The following PCNX2 variants were observed in gnomAD, a reference collection of about 807,000 sequenced individuals.
PCNX2 encodes pecanex-like protein 2.
PCNX2 carries 168 observed loss-of-function variants against 223.8 expected under a neutral mutation model. That is an observed-to-expected ratio of 0.75 (90% CI 0.66 to 0.85). The LOEUF is 0.85. Among genes scored for constraint, PCNX2 ranks in the 40% least tolerant of loss-of-function variants. The pLI is 0.00. For missense variants in PCNX2, 2,507 were observed against 2,675.5 expected, an observed-to-expected ratio of 0.94 and a Z score of 1.39; for synonymous variants, 1,006 against 1,052.6, an observed-to-expected ratio of 0.96 and a Z score of 0.86.
At chr1:233,209,546 A>G (rs1681707071) in intron 12 of PCNX2, among the ~76,000 whole-genome samples, 1 of 152,250 alleles carries the variant, frequency 6.6e-6, no homozygotes, top group African/African-American at 2.4e-5. Context: ...AGGAAGGATT[A>G]AAGTGATATG....
At chr1:233,182,738 A>T (rs1211470315) in intron 15 of PCNX2, among the ~76,000 whole-genome samples, 1 of 151,956 alleles carries the variant, frequency 6.6e-6, no homozygotes, top group Non-Finnish European at 1.5e-5. Flanking sequence ...ACTCCATTCC[A>T]TTCCATTCCA....
chr1:233,239,932 T>C (rs1658652504), intron 8 of PCNX2, among the ~76,000 whole-genome samples: 1 of 152,176 alleles, frequency 6.6e-6, no homozygotes, highest in African/African-American at 2.4e-5. Context: ...TTAACTTCCC[T>C]CTTAATTAAC....
intron 15 of PCNX2, among the ~76,000 whole-genome samples, chr1:233,179,790 C>A (rs1284001254): frequency 1.3e-5 from 2 of 152,226 alleles, no homozygotes; most frequent in Non-Finnish European, 2.9e-5. Flanking sequence ...CAGGCCCAGG[C>A]AAGTCTTAGC....
chr1:233,268,260 T>C (rs11581895), intron 1 of PCNX2, among the ~76,000 whole-genome samples: 13,541 of 152,240 alleles, frequency 0.089, 723 homozygotes, highest in South Asian at 0.17. Context: ...ATAGCAGCTG[T>C]GCTGTGTTAC....
Position 233,139,636 on chromosome 1 carries a change from C to G in PCNX2, c.3659+78G>C. ...AGTCGGTAAAGGTTGGCTTCTTCTG[C>G]AGATTGTTTACAGAAAATTCACTCG... On this transcript the variant is annotated intron_variant, in intron 20 of 33. Coordinates refer to ENST00000258229, the MANE Select transcript of PCNX2 (RefSeq NM_014801.4). This position sits in a 1 kb window ranked among gnomAD's most constrained non-coding sequence, Gnocchi z 4.4. 1 of 1,479,836 alleles carries G rather than the reference C, an allele frequency of 6.8e-7. No homozygotes were observed. Among genetic ancestry groups the G allele is most frequent in the South Asian group, 1.3e-5 (1 of 76,766 alleles). 91.7% of individuals were successfully genotyped at this position (1,479,836 alleles called of 1,614,324 possible). A position where few individuals can be genotyped will look rare whatever the true frequency, so the allele number is the denominator to read the frequency against.
At chr1:233,307,718 A>G in the PCNX2 span, among the ~76,000 whole-genome samples, 612 of 152,282 alleles carry the variant, frequency 4.0e-3, 5 homozygotes, top group African/African-American at 0.014. Context: ...CCACAAAACC[A>G]CTTTTTGAGG....
chr1:233,011,100 T>C (rs549816934), intron 28 of PCNX2, among the ~76,000 whole-genome samples: 1 of 152,322 alleles, frequency 6.6e-6, no homozygotes, highest in South Asian at 2.1e-4. Context: ...ATAGCACATA[T>C]GCAAACACAC....
chr1:233,086,587 C>T (rs1346718741), intron 23 of PCNX2, among the ~76,000 whole-genome samples: 2 of 151,992 alleles, frequency 1.3e-5, no homozygotes, highest in African/African-American at 2.4e-5. Context: ...AGGAGAATGG[C>T]GTGAACCTGG....
rs372601534 is a variant in PCNX2, at chr1:233,258,053, C to G, written c.1809G>C (p.Gln603His). Residue 603 changes from glutamine (Q) to histidine (H), a missense_variant, in exon 5 of 34, where the codon CAG becomes CAC. Gln to His is a conservative substitution (Grantham distance 24, BLOSUM62 0). Transcript: ENST00000258229. The stretch of plus-strand genomic sequence containing the variant: ...CTCGGAGAAGCCCACTTTCTTCATT[C>G]TGCTCAGCTGAGCCATTCAGTTGAC... The part of the protein sequence containing the change: ...ASSQLNGSAE[Q>H]NEESGLLRDN... 2.5e-6 allele frequency: 4 copies of G among 1,613,318 alleles called. No individual in the cohort carries two copies. In the African/African-American group the frequency reaches 5.3e-5, roughly 22 times the overall value.
intron 1 of PCNX2, among the ~76,000 whole-genome samples, chr1:233,273,668 G>C: frequency 6.6e-6 from 1 of 150,720 alleles, no homozygotes; most frequent in Non-Finnish European, 1.5e-5. Flanking sequence ...CTGTCGCCAG[G>C]GCCGAAGTGC....
At chr1:233,151,166 G>A (rs925715615) in intron 19 of PCNX2, among the ~76,000 whole-genome samples, 2 of 152,168 alleles carry the variant, frequency 1.3e-5, no homozygotes, top group Non-Finnish European at 2.9e-5. Context: ...CAAGTAAAGT[G>A]TAATTTGTAT....
At chr1:233,189,619 C>A (rs1470722392) in intron 15 of PCNX2, among the ~76,000 whole-genome samples, 1 of 152,030 alleles carries the variant, frequency 6.6e-6, no homozygotes, top group Non-Finnish European at 1.5e-5. Context: ...ATTTTAAACC[C>A]TGAGTGCCTG....
At chr1:233,069,939 C>G (rs1672778502) in intron 23 of PCNX2, among the ~76,000 whole-genome samples, 1 of 152,178 alleles carries the variant, frequency 6.6e-6, no homozygotes, top group Non-Finnish European at 1.5e-5. Flanking sequence ...AGAGCTGGTT[C>G]TTTGAGAATA....
At chr1:233,309,323 T>A in the PCNX2 span, among the ~76,000 whole-genome samples, 1 of 151,776 alleles carries the variant, frequency 6.6e-6, no homozygotes, top group Non-Finnish European at 1.5e-5. Context: ...AGGTGGATCA[T>A]TTGAGGTCAG....
intron 9 of PCNX2, among the ~76,000 whole-genome samples, chr1:233,232,672 A>G (rs1432087366): frequency 1.3e-5 from 2 of 152,100 alleles, no homozygotes; most frequent in East Asian, 3.8e-4. Flanking sequence ...CAATTGTTTC[A>G]TCTTTTAGTA....
In PCNX2 at chr1:233,126,207, C is replaced by T. The variant is rs1471271219; in HGVS notation, c.3837+8806G>A. 7.0e-6 allele frequency: 1 copy of T among 142,936 alleles called. No individual in the cohort carries two copies. The highest frequency in any genetic ancestry group is 1.5e-5 in the Non-Finnish European group (1 of 65,482). The allele number at this position is 142,936 out of a possible 1,614,324, so 8.9% of individuals were successfully genotyped here. A position where few individuals can be genotyped will look rare whatever the true frequency, so the allele number is the denominator to read the frequency against. On this transcript the variant is annotated intron_variant, in intron 21 of 33. Coordinates refer to ENST00000258229, the MANE Select transcript of PCNX2 (RefSeq NM_014801.4). This position sits in a 1 kb window ranked among gnomAD's most constrained non-coding sequence, Gnocchi z 4.8. The stretch of plus-strand genomic sequence containing the variant: ...CCTGGGTGACAGGGCAAGACTCCGT[C>T]TAAAAAAAAAAAAAATTATCTTTTG...
At chr1:233,017,398 A>G (rs1375869932) in intron 26 of PCNX2, among the ~76,000 whole-genome samples, 1 of 147,022 alleles carries the variant, frequency 6.8e-6, no homozygotes, top group Non-Finnish European at 1.5e-5. Flanking sequence ...GCTCACTGCA[A>G]GCTCCGCCTC....
chr1:233,156,384 G>A (rs919636654), intron 19 of PCNX2, among the ~76,000 whole-genome samples: 1 of 152,182 alleles, frequency 6.6e-6, no homozygotes, highest in Non-Finnish European at 1.5e-5. Flanking sequence ...TTGTTCCAGC[G>A]ACTACAGAGT....
At chr1:233,200,627 G>A (rs148136991) in intron 13 of PCNX2, among the ~76,000 whole-genome samples, 1 of 152,016 alleles carries the variant, frequency 6.6e-6, no homozygotes, top group Non-Finnish European at 1.5e-5. Context: ...CAGGGGTGGT[G>A]AGTCAGAGTA....
Sources: allele counts gnomAD v4.1 joint callset (sites outside exome capture counted in the v4.1 genomes callset), GRCh38; gene constraint gnomAD v4.1.1; non-coding constraint Gnocchi (gnomAD v3.1); transcripts MANE v1.5; gene names NCBI Gene and HGNC (gene_info 2026-07-23, HGNC 2026-07-21).